The following CNTNAP5 variants were observed in gnomAD, a reference collection of about 807,000 sequenced individuals.
CNTNAP5 encodes the protein contactin associated protein family member 5, also known as contactin-associated protein-like 5.
CNTNAP5 carries 72 observed loss-of-function variants against 150.2 expected under a neutral mutation model. The ratio of observed to expected loss-of-function variants is 0.48; its 90% CI spans 0.40 to 0.58. CNTNAP5 has a LOEUF of 0.58. CNTNAP5 is among the 20% of genes least tolerant of loss of function. CNTNAP5 has a pLI of 0.00. For synonymous variants in CNTNAP5, 672 were observed against 619.8 expected (o/e 1.08, Z -1.25); for missense variants, 1,636 against 1,626.2 (o/e 1.01, Z -0.10).
intron 11 of CNTNAP5, among the ~76,000 whole-genome samples, chr2:124,579,062 G>A (rs940797011): frequency 1.3e-5 from 2 of 152,152 alleles, no homozygotes; most frequent in East Asian, 1.9e-4. Flanking sequence ...GGGCCAGTGT[G>A]GGTGAGAAAA....
At chr2:124,604,845 T>G (rs1201072072) in intron 11 of CNTNAP5, among the ~76,000 whole-genome samples, 1 of 152,150 alleles carries the variant, frequency 6.6e-6, no homozygotes, top group Non-Finnish European at 1.5e-5. Context: ...CCCCAAGATC[T>G]CAATGACTTA....
chr2:124,079,723 A>T (rs894621319), intron 1 of CNTNAP5, among the ~76,000 whole-genome samples: 1 of 152,144 alleles, frequency 6.6e-6, no homozygotes, highest in African/African-American at 2.4e-5. Context: ...ATGCGTGTGT[A>T]TGTATACGTG....
intron 1 of CNTNAP5, among the ~76,000 whole-genome samples, chr2:124,123,851 T>C (rs1683625225): frequency 1.3e-5 from 2 of 152,094 alleles, no homozygotes; most frequent in Admixed American, 1.3e-4. Context: ...TTCTGACTGT[T>C]AGAAGGAAAA....
intron 19 of CNTNAP5, among the ~76,000 whole-genome samples, chr2:124,862,513 G>A (rs537641072): frequency 1.1e-4 from 16 of 152,178 alleles, no homozygotes; most frequent in Non-Finnish European, 2.4e-4. Context: ...AGCAAGCCGA[G>A]GGGGTAGAGG....
chr2:124,092,444 C>T (rs1682836924), intron 1 of CNTNAP5, among the ~76,000 whole-genome samples: 1 of 152,196 alleles, frequency 6.6e-6, no homozygotes, highest in South Asian at 2.1e-4. Context: ...GCAGGCTGTA[C>T]ACATATAGTC....
intron 14 of CNTNAP5, among the ~76,000 whole-genome samples, chr2:124,760,358 A>T (rs1002436820): frequency 6.6e-6 from 1 of 152,146 alleles, no homozygotes; most frequent in Non-Finnish European, 1.5e-5. Flanking sequence ...TAAGTCACCC[A>T]AATTATATAC....
intron 17 of CNTNAP5, among the ~76,000 whole-genome samples, chr2:124,777,103 A>G (rs1040171886): frequency 4.0e-5 from 6 of 151,854 alleles, no homozygotes; most frequent in Non-Finnish European, 8.8e-5. Flanking sequence ...AAGAAACACT[A>G]GAAGAGCACC....
At chr2:124,042,739 T>G (rs1264262496) in intron 1 of CNTNAP5, among the ~76,000 whole-genome samples, 1 of 152,190 alleles carries the variant, frequency 6.6e-6, no homozygotes, top group Non-Finnish European at 1.5e-5. Context: ...CTGTCAAATT[T>G]TTTCTTTTTG....
intron 1 of CNTNAP5, among the ~76,000 whole-genome samples, chr2:124,134,744 C>A (rs1683935104): frequency 6.6e-6 from 1 of 152,150 alleles, no homozygotes; most frequent in Non-Finnish European, 1.5e-5. Context: ...TTGGATTCCC[C>A]ATCTTCGCAG....
chr2:124,410,037 T>C (rs548858865), intron 3 of CNTNAP5, among the ~76,000 whole-genome samples: 5 of 151,840 alleles, frequency 3.3e-5, no homozygotes, highest in Admixed American at 1.3e-4. Flanking sequence ...TGGAGGAAGA[T>C]CTACCAAGCA....
chr2:124,842,625 C>T (rs1043957803), intron 19 of CNTNAP5, among the ~76,000 whole-genome samples: 3 of 152,052 alleles, frequency 2.0e-5, no homozygotes, highest in Non-Finnish European at 2.9e-5. Flanking sequence ...TTTGTGCAAA[C>T]GTAAACAGAA....
chr2:124,148,366 A>T (rs925730892), intron 1 of CNTNAP5, among the ~76,000 whole-genome samples: 9 of 150,948 alleles, frequency 6.0e-5, no homozygotes, highest in Non-Finnish European at 8.8e-5. Flanking sequence ...CCAAAAACTA[A>T]TTGAGAAAAC....
intron 1 of CNTNAP5, among the ~76,000 whole-genome samples, chr2:124,198,477 G>A (rs755427689): frequency 1.2e-4 from 18 of 151,904 alleles, no homozygotes; most frequent in Admixed American, 3.9e-4. Flanking sequence ...AGTATACTGC[G>A]TGATGCTGAG....
intron 1 of CNTNAP5, among the ~76,000 whole-genome samples, chr2:124,121,793 CT>C (rs1169054006): frequency 6.6e-6 from 1 of 152,160 alleles, no homozygotes; most frequent in Non-Finnish European, 1.5e-5. Flanking sequence ...CCACATTGAT[CT>C]TTCCCTTATA....
chr2:124,805,411 C>T (rs1284763435), intron 19 of CNTNAP5, among the ~76,000 whole-genome samples: 17 of 152,078 alleles, frequency 1.1e-4, no homozygotes, highest in Admixed American at 1.1e-3. Flanking sequence ...AGTGCTAGTC[C>T]TTGCACAATA....
chr2:124,209,399 C>A (rs901928835), intron 1 of CNTNAP5, among the ~76,000 whole-genome samples: 2 of 152,100 alleles, frequency 1.3e-5, no homozygotes, highest in Non-Finnish European at 2.9e-5. Flanking sequence ...TTGCAAAGCT[C>A]AAATAAAGAA....
intron 11 of CNTNAP5, among the ~76,000 whole-genome samples, chr2:124,586,466 G>A (rs1210327289): frequency 6.6e-6 from 1 of 152,182 alleles, no homozygotes; most frequent in Non-Finnish European, 1.5e-5. Flanking sequence ...TGAGCTTCAG[G>A]TTGAGTTGCT....
At chr2:124,600,769 A>AG (rs1558699440) in intron 11 of CNTNAP5, among the ~76,000 whole-genome samples, 260 of 101,638 alleles carry the variant, frequency 2.6e-3, no homozygotes, top group African/African-American at 6.6e-3. Flanking sequence ...GAGAGAGAGA[A>AG]AGAGAGAGAA....
Position 124,384,054 on chromosome 2 carries a change from G to C in CNTNAP5, c.382-33389G>C, listed in dbSNP as rs192508589. 1.4e-3 allele frequency among the ~76,000 whole-genome samples: 210 copies of C among 152,138 alleles called. 1 individual carries two copies. The highest frequency in any genetic ancestry group is 3.4e-3 in the Middle Eastern group (1 of 294). On this transcript the variant is annotated intron_variant, in intron 3 of 23. Transcript: ENST00000682447. ...CCCATTAATCCGTGGTTTAATATCT[G>C]TGTGTTATTGAGTTTGCAGATGTAT...
Sources: allele counts gnomAD v4.1 joint callset (sites outside exome capture counted in the v4.1 genomes callset), GRCh38; gene constraint gnomAD v4.1.1; transcripts MANE v1.5; gene names NCBI Gene and HGNC (gene_info 2026-07-23, HGNC 2026-07-21).